Variants in SYNPR observed in about 807,000 individuals in gnomAD.
SYNPR encodes synaptoporin.
A neutral mutation model predicts 32.9 loss-of-function variants in SYNPR; 23 were observed. That is an observed-to-expected ratio of 0.70 (90% CI 0.50 to 0.99). The LOEUF (loss-of-function observed/expected upper bound fraction) is 0.99, where lower values mean the gene tolerates loss of function less well. Among genes scored for constraint, SYNPR ranks in the 50% least tolerant of loss-of-function variants. The probability of loss-of-function intolerance (pLI) is 0.00; values close to 1 mark genes in which losing one functional copy is unlikely to be tolerated. For missense variants in SYNPR, 318 were observed against 349.3 expected, an observed-to-expected ratio of 0.91 and a Z score of 0.71; for synonymous variants, 146 against 135.9, an observed-to-expected ratio of 1.07 and a Z score of -0.52.
intron 2 of SYNPR, among the ~76,000 whole-genome samples, chr3:63,466,140 A>G (rs2106664969): frequency 6.6e-6 from 1 of 152,204 alleles, no homozygotes; most frequent in East Asian, 1.9e-4. Flanking sequence ...GCTCCTACTT[A>G]TAAGTAAGAA....
intron 3 of SYNPR, among the ~76,000 whole-genome samples, chr3:63,489,046 C>T (rs1366038926): frequency 6.6e-6 from 1 of 152,142 alleles, no homozygotes; most frequent in East Asian, 1.9e-4. Flanking sequence ...TGAGTTTCTG[C>T]AAAAGCACAT....
At chr3:63,378,265 A>G (rs17068408) in intron 2 of SYNPR, among the ~76,000 whole-genome samples, 1,626 of 152,042 alleles carry the variant, frequency 0.011, 37 homozygotes, top group African/African-American at 0.037. Context: ...TTTAAACTCT[A>G]TTATGGAACT....
chr3:63,256,624 CAG>C (rs1206099003), intron 2 of SYNPR, among the ~76,000 whole-genome samples: 3 of 152,118 alleles, frequency 2.0e-5, no homozygotes, highest in Non-Finnish European at 4.4e-5. Context: ...GGAGAAAAAA[CAG>C]AGCAGAAAAA....
At chr3:63,432,517 G>T (rs907664537) in intron 2 of SYNPR, among the ~76,000 whole-genome samples, 2 of 152,200 alleles carry the variant, frequency 1.3e-5, no homozygotes, top group African/African-American at 4.8e-5. Context: ...AGGATTAAAT[G>T]AGTTAATTCC....
chr3:63,358,504 C>G (rs775208277), intron 2 of SYNPR, among the ~76,000 whole-genome samples: 3 of 152,154 alleles, frequency 2.0e-5, no homozygotes, highest in Non-Finnish European at 4.4e-5. Context: ...TCTCAAGATC[C>G]TTTACTTAAT....
chr3:63,254,749 A>G (rs1228453596), intron 2 of SYNPR, among the ~76,000 whole-genome samples: 1 of 152,190 alleles, frequency 6.6e-6, no homozygotes, highest in Non-Finnish European at 1.5e-5. Context: ...CCTAATCCCT[A>G]GTACCTTGGA....
At chr3:63,306,508 G>T (rs2086912193) in intron 2 of SYNPR, among the ~76,000 whole-genome samples, 1 of 150,694 alleles carries the variant, frequency 6.6e-6, no homozygotes, top group African/African-American at 2.4e-5. Context: ...TACATACCCT[G>T]CCTCTTTCTA....
intron 2 of SYNPR, among the ~76,000 whole-genome samples, chr3:63,290,299 C>G (rs777192829): frequency 6.6e-6 from 1 of 152,156 alleles, no homozygotes; most frequent in Non-Finnish European, 1.5e-5. Flanking sequence ...GCATTGTCTT[C>G]CATTAATAGT....
At chr3:63,481,925 T>G (rs1178748881) in intron 3 of SYNPR, among the ~76,000 whole-genome samples, 1 of 152,160 alleles carries the variant, frequency 6.6e-6, no homozygotes, top group Non-Finnish European at 1.5e-5. Context: ...GCTTCTACAG[T>G]GATTTCCCAC....
Position 63,316,857 on chromosome 3 carries a change from T to A in SYNPR, c.84+38115T>A, listed in dbSNP as rs879456161. ...GTTTGTGCTCTTTCAATCTTTTTTATATAGGTGCTTAGGGCTATGAACTTC... is the reference window on the plus strand; with the variant it reads ...GTTTGTGCTCTTTCAATCTTTTTTAAATAGGTGCTTAGGGCTATGAACTTC... On this transcript the variant is annotated intron_variant, in intron 2 of 5. Transcript: ENST00000478300. Among the ~76,000 whole-genome samples the A allele has an allele frequency of 7.9e-5, 12 of 152,136 alleles. No individual in the cohort carries two copies. The South Asian group carries it at 2.3e-3, about 29-fold the overall frequency.
At chr3:63,347,823 A>C (rs2087456192) in intron 2 of SYNPR, among the ~76,000 whole-genome samples, 1 of 151,610 alleles carries the variant, frequency 6.6e-6, no homozygotes, top group Non-Finnish European at 1.5e-5. Context: ...TTATGGCTGA[A>C]TAGTATTCCA....
intron 2 of SYNPR, among the ~76,000 whole-genome samples, chr3:63,460,415 T>C (rs1293505097): frequency 6.6e-6 from 1 of 151,976 alleles, no homozygotes. Flanking sequence ...CAAATTATTT[T>C]GCTGATTACT....
At chr3:63,567,136 A>G (rs1359596262) in intron 4 of SYNPR, among the ~76,000 whole-genome samples, 1 of 152,166 alleles carries the variant, frequency 6.6e-6, no homozygotes, top group African/African-American at 2.4e-5. Context: ...CCTAATGTAT[A>G]GCTTCACTCT....
chr3:63,291,988 T>G (rs532316764), intron 2 of SYNPR, among the ~76,000 whole-genome samples: 22 of 152,190 alleles, frequency 1.4e-4, no homozygotes, highest in Non-Finnish European at 2.9e-4. Context: ...ACTACACACC[T>G]AGGCTACATG....
intron 1 of SYNPR, among the ~76,000 whole-genome samples, chr3:63,250,260 G>C (rs1053120595): frequency 6.6e-6 from 1 of 152,006 alleles, no homozygotes; most frequent in African/African-American, 2.4e-5. Context: ...TGATATACAT[G>C]TATCAAAATA....
chr3:63,268,311 CT>C (rs35401688), intron 3 of SYNPR, among the ~76,000 whole-genome samples: 3 of 148,356 alleles, frequency 2.0e-5, no homozygotes, highest in Non-Finnish European at 4.4e-5. Context: ...ATTGTGATAA[CT>C]TCTGTTTCTA....
intron 3 of SYNPR, among the ~76,000 whole-genome samples, chr3:63,521,414 C>A (rs1007893841): frequency 6.6e-6 from 1 of 152,202 alleles, no homozygotes; most frequent in Non-Finnish European, 1.5e-5. Context: ...AGCTTGTTAA[C>A]ATTTACTGAG....
chr3:63,540,798 A>G (rs1238432717), intron 3 of SYNPR, among the ~76,000 whole-genome samples: 1 of 151,756 alleles, frequency 6.6e-6, no homozygotes, highest in Non-Finnish European at 1.5e-5. Flanking sequence ...TACAGAAGAC[A>G]TGTGTTATTT....
chr3:63,610,666 T>C (rs191914783), intron 5 of SYNPR: 2 of 464,478 alleles, frequency 4.3e-6, no homozygotes, highest in Admixed American at 7.2e-5. Context: ...CCATATTTAC[T>C]TATACTTCTG....
Sources: allele counts gnomAD v4.1 joint callset (sites outside exome capture counted in the v4.1 genomes callset), GRCh38; gene constraint gnomAD v4.1.1; transcripts MANE v1.5; gene names NCBI Gene and HGNC (gene_info 2026-07-23, HGNC 2026-07-21).